KIF21A: variants seen among roughly 807,000 people sequenced by gnomAD.
KIF21A encodes the protein kinesin-like protein KIF21A.
KIF21A carries 114 observed loss-of-function variants against 202.9 expected under a neutral mutation model. The observed-to-expected ratio is 0.56, with a 90% CI of 0.48 to 0.66. The LOEUF is 0.66. Among genes scored for constraint, KIF21A ranks in the 30% least tolerant of loss-of-function variants. The pLI, the probability that KIF21A is intolerant of heterozygous loss-of-function variation, is 0.00. For synonymous variants in KIF21A, 667 were observed against 670.8 expected (o/e 0.99, Z 0.09); for missense variants, 1,677 against 1,994.9 (o/e 0.84, Z 3.04).
chr12:39,334,511 C>T (rs1946795833), intron 17 of KIF21A, among the ~76,000 whole-genome samples: 1 of 152,014 alleles, frequency 6.6e-6, no homozygotes, highest in Admixed American at 6.6e-5. Flanking sequence ...AATTGCCTAC[C>T]ACAGTGACTG....
chr12:39,378,883 A>C (rs1393580394), intron 1 of KIF21A, among the ~76,000 whole-genome samples: 2 of 152,158 alleles, frequency 1.3e-5, no homozygotes, highest in Non-Finnish European at 2.9e-5. Context: ...GCATACAGGA[A>C]ACTATATTTG....
At chr12:39,323,325 A>C (rs1945491557) in intron 26 of KIF21A, among the ~76,000 whole-genome samples, 1 of 150,556 alleles carries the variant, frequency 6.6e-6, no homozygotes, top group African/African-American at 2.5e-5. Flanking sequence ...ATAATTAAAA[A>C]AAAAGAAAAG....
chr12:39,421,086 T>A (rs777614367), intron 1 of KIF21A, among the ~76,000 whole-genome samples: 1 of 152,252 alleles, frequency 6.6e-6, no homozygotes, highest in Non-Finnish European at 1.5e-5. Flanking sequence ...CTTAAGATGA[T>A]AATACTGTGT....
chr12:39,389,779 A>G (rs1951215727), intron 1 of KIF21A, among the ~76,000 whole-genome samples: 2 of 152,252 alleles, frequency 1.3e-5, no homozygotes, highest in South Asian at 4.1e-4. Flanking sequence ...TATTGTTATG[A>G]AGATGGATAT....
intron 1 of KIF21A, among the ~76,000 whole-genome samples, chr12:39,402,364 T>G (rs1952230730): frequency 6.6e-6 from 1 of 152,134 alleles, no homozygotes; most frequent in African/African-American, 2.4e-5. Flanking sequence ...TTTAGAAACA[T>G]TTTTTAAGAT....
In KIF21A at chr12:39,357,338, T is replaced by C. The variant is rs764712550; in HGVS notation, c.1315A>G (p.Ile439Val). Residue 439 changes from isoleucine to valine, a missense_variant, in exon 9 of 38, where the codon ATT (isoleucine) becomes GTT (valine). Around this residue, in one of 3 missense-constraint regions of KIF21A, gnomAD observed 966 missense variants for 1,180.9 expected, o/e 0.82. Transcript: ENST00000361418. ...TCAACCGTCTCTTGCATGGCTTTAA[T>C]TCTTACACGCAGGTTATTATTTTCA... ...QTENNNLRVR[I>V]KAMQETVDAL... is the part of the protein sequence containing the mutation. The C allele has an allele frequency of 6.2e-7, 1 of 1,614,092 alleles. No homozygotes were observed. The highest frequency in any genetic ancestry group is 2.2e-5 in the East Asian group (1 of 44,880).
Position 39,442,809 on chromosome 12 carries a change from C to A in KIF21A, c.44+118G>T. On this transcript the variant is annotated intron_variant, in intron 1 of 37. Coordinates refer to ENST00000361418, the MANE Select transcript of KIF21A (RefSeq NM_001173464.2). This position sits in a 1 kb window ranked among gnomAD's most constrained non-coding sequence, Gnocchi z 5.0. ...CCTCAGTTTCCTCAGCCGCAGAACC[C>A]GGCCGGGACGCCCCTCAGGTCGCTC... The A allele has an allele frequency of 1.5e-6, 2 of 1,290,438 alleles. No individual in the cohort carries two copies. Among genetic ancestry groups the A allele is most frequent in the South Asian group, 1.3e-5 (1 of 76,226 alleles). The allele number at this position is 1,290,438 out of a possible 1,614,324, so 79.9% of individuals were successfully genotyped here. A position where few individuals can be genotyped will look rare whatever the true frequency, so the allele number is the denominator to read the frequency against.
intron 5 of KIF21A, among the ~76,000 whole-genome samples, 186 bp downstream of exon 5, chr12:39,366,840 CATTT>C (rs1949634598): frequency 6.6e-6 from 1 of 152,168 alleles, no homozygotes; most frequent in African/African-American, 2.4e-5. Flanking sequence ...GTTTTTCAGA[CATTT>C]ATACAATTTT....
intron 23 of KIF21A, 41 bp downstream of exon 23, chr12:39,330,705 T>C: frequency 6.3e-7 from 1 of 1,593,420 alleles, no homozygotes; most frequent in Non-Finnish European, 8.6e-7. Flanking sequence ...AAAGCAAAGC[T>C]ACCATGCAAA....
At chr12:39,297,420 A>G (rs796453673) in intron 37 of KIF21A, among the ~76,000 whole-genome samples, 11 of 152,288 alleles carry the variant, frequency 7.2e-5, no homozygotes, top group African/African-American at 2.4e-4. Context: ...AAAAATGATG[A>G]CTTCATGTCC....
intron 1 of KIF21A, among the ~76,000 whole-genome samples, chr12:39,401,796 A>G (rs569344114): frequency 5.3e-5 from 8 of 152,216 alleles, no homozygotes; most frequent in Non-Finnish European, 1.2e-4. Flanking sequence ...TAGAAATGGG[A>G]TTTCAGGATT....
At chr12:39,367,828 T>C in intron 4 of KIF21A, 55 bp downstream of exon 4, 3 of 1,360,440 alleles carry the variant, frequency 2.2e-6, no homozygotes, top group South Asian at 1.2e-5. Context: ...TCAGCAAAGC[T>C]CACTATTTAA....
intron 1 of KIF21A, among the ~76,000 whole-genome samples, chr12:39,440,397 C>A (rs1939397262): frequency 6.6e-6 from 1 of 152,164 alleles, no homozygotes; most frequent in Admixed American, 6.5e-5. Flanking sequence ...TTTACTTAAT[C>A]TTTCTGTGCC....
In KIF21A at chr12:39,412,474, C is replaced by T. The variant is rs143519065; in HGVS notation, c.44+30453G>A. On this transcript the variant is annotated intron_variant, in intron 1 of 37. Coordinates refer to ENST00000361418, the MANE Select transcript of KIF21A (RefSeq NM_001173464.2). ...GCTCATGCCTTTCATCCCAGCACTT[C>T]GGAAGGCTAAGGTGGGCAGATCGCT... 3.3e-4 allele frequency among the ~76,000 whole-genome samples: 50 copies of T among 152,172 alleles called. No homozygotes were observed. In the East Asian group the frequency reaches 7.8e-3, roughly 24 times the overall value.
intron 12 of KIF21A, among the ~76,000 whole-genome samples, chr12:39,345,029 C>G: frequency 6.6e-6 from 1 of 152,126 alleles, no homozygotes; most frequent in East Asian, 1.9e-4. Context: ...CACCTGGGAG[C>G]TTATTACTTA....
At chr12:39,329,422 A>T (rs1003030889) in intron 24 of KIF21A, among the ~76,000 whole-genome samples, 1 of 152,188 alleles carries the variant, frequency 6.6e-6, no homozygotes, top group South Asian at 2.1e-4. Context: ...GAATTGAGCC[A>T]CTAAGAACAA....
chr12:39,423,432 TCTC>T (rs2140253944), intron 1 of KIF21A, among the ~76,000 whole-genome samples: 1 of 152,124 alleles, frequency 6.6e-6, no homozygotes, highest in East Asian at 1.9e-4. Context: ...TCCACAGTCT[TCTC>T]CTCGCCACTG....
At chr12:39,301,108 G>T (rs941848549) in intron 37 of KIF21A, among the ~76,000 whole-genome samples, 1 of 152,286 alleles carries the variant, frequency 6.6e-6, no homozygotes, top group South Asian at 2.1e-4. Context: ...GGAGGAGGAA[G>T]CACAGAGAGT....
Position 39,368,191 on chromosome 12 carries a change from A to T in KIF21A, c.451-159T>A, listed in dbSNP as rs75425008. ...CATTAAAATGAATGAGGCTATTATT[A>T]TAACAATTATAAGTAAATGCCAGAT... On this transcript the variant is annotated intron_variant, in intron 3 of 37. Transcript: ENST00000361418. Among the ~76,000 whole-genome samples the T allele has an allele frequency of 2.5e-3, 375 of 152,322 alleles. 4 individuals carry two copies. Among genetic ancestry groups the T allele is most frequent in the Admixed American group, 0.018 (274 of 15,288 alleles).
Sources: allele counts gnomAD v4.1 joint callset (sites outside exome capture counted in the v4.1 genomes callset), GRCh38; gene constraint gnomAD v4.1.1; regional missense constraint gnomAD v4.1.1; non-coding constraint Gnocchi (gnomAD v3.1); transcripts MANE v1.5; gene names NCBI Gene and HGNC (gene_info 2026-07-23, HGNC 2026-07-21).